Variants in CDH17 observed in about 807,000 individuals in gnomAD.
CDH17 encodes the protein cadherin 17, also known as cadherin-17.
Under a neutral mutation model 86.3 loss-of-function variants are expected in CDH17, and 67 were observed. The observed-to-expected ratio is 0.78, with a 90% CI of 0.64 to 0.95. The LOEUF (loss-of-function observed/expected upper bound fraction) is 0.95, where lower values mean the gene tolerates loss of function less well. Ranked by LOEUF, CDH17 falls within the 40% of genes least tolerant of loss-of-function variation. The pLI is 0.00. For synonymous variants in CDH17, 367 were observed against 366.4 expected (o/e 1.00, Z -0.02); for missense variants, 993 against 1,017.6 (o/e 0.98, Z 0.33).
At chr8:94,211,415 G>A (rs191486874), upstream of CDH17, among the ~76,000 whole-genome samples, 261 of 152,224 alleles carry the variant, frequency 1.7e-3, no homozygotes, top group Non-Finnish European at 2.8e-3. Context: ...AGTTTCAAGT[G>A]ATTCTCCTGC....
chr8:94,131,265 TG>T (rs1439564798), intron 15 of CDH17, among the ~76,000 whole-genome samples: 1 of 152,178 alleles, frequency 6.6e-6, no homozygotes, highest in South Asian at 2.1e-4. Flanking sequence ...TCTATAAAGT[TG>T]CCCCAAACAC....
At chr8:94,180,082 T>C (rs2130650306) in intron 3 of CDH17, among the ~76,000 whole-genome samples, 1 of 152,210 alleles carries the variant, frequency 6.6e-6, no homozygotes, top group East Asian at 1.9e-4. Flanking sequence ...TCATCAGATA[T>C]AGAATATTGA....
intron 15 of CDH17, 28 bp from the exon 16 acceptor site, chr8:94,131,020 A>G (rs1382854650): frequency 1.7e-6 from 2 of 1,150,550 alleles, no homozygotes; most frequent in African/African-American, 3.0e-5. Flanking sequence ...AAAAATGAAA[A>G]TACAACTTCA....
intron 10 of CDH17, 125 bp from the exon 11 acceptor site, chr8:94,162,287 C>A (rs1813068891): frequency 7.5e-6 from 5 of 664,472 alleles, no homozygotes; most frequent in Non-Finnish European, 1.4e-5. Context: ...AATTGACATG[C>A]AATTTGTGCA....
chr8:94,130,666 G>A lies in CDH17; in HGVS notation c.2358C>T (p.Gly786=). 2.5e-6 allele frequency: 4 copies of A among 1,613,746 alleles called. No individual in the cohort carries two copies. Among genetic ancestry groups the A allele is most frequent in the Non-Finnish European group, 3.4e-6 (4 of 1,179,786 alleles). ...TGGTCAGCAGTATACCAACTGCCAT[G>A]CCCACAGTGGGTATCCCAGTCTGGT... ...AGHQTGIPTV[G]MAVGILLTTL... Residue 786 remains glycine, a synonymous_variant, in exon 17 of 18, where the codon GGC becomes GGT. Transcript: ENST00000027335.
At chr8:94,213,969 A>T (rs1447698697) in intron 1 of CDH17, among the ~76,000 whole-genome samples, 6 of 151,840 alleles carry the variant, frequency 4.0e-5, no homozygotes, top group Admixed American at 3.9e-4. Flanking sequence ...GTGGAGGTCA[A>T]CTCTGCTCCC....
intron 14 of CDH17, 152 bp from the exon 15 acceptor site, chr8:94,146,319 T>C (rs1396281618): frequency 3.4e-6 from 2 of 587,532 alleles, no homozygotes; most frequent in Non-Finnish European, 5.3e-6. Flanking sequence ...GTTTCATTAC[T>C]GGTGAAAAAG....
At position 94,177,616 on chromosome 8, in the gene CDH17, T is replaced by C. The variant is rs1364385433; in HGVS notation, c.256A>G (p.Arg86Gly). 1.9e-6 allele frequency: 3 copies of C among 1,613,674 alleles called. No homozygotes were observed. Among genetic ancestry groups the C allele is most frequent in the Non-Finnish European group, 2.5e-6 (3 of 1,179,786 alleles). ...GLLYYNRALDRETRSTHNLQV... is the reference protein window; with the variant it reads ...GLLYYNRALDGETRSTHNLQV... ...AGATTGTGAGTAGATCTTGTTTCCC[T>C]GTCCAAGGCTCTGTTGTAATACAGA... The change falls in exon 4 of 18, where the codon AGG becomes GGG. Residue 86 changes from arginine (R) to glycine (G), a missense_variant. Coordinates refer to ENST00000027335, the MANE Select transcript of CDH17 (RefSeq NM_004063.4).
In CDH17 at chr8:94,139,564, A is replaced by G. The variant is rs1217270527; in HGVS notation, c.2167+6364T>C. Among the ~76,000 whole-genome samples, 13 of 152,200 alleles carry G rather than the reference A, an allele frequency of 8.5e-5. 1 individual carries two copies. The highest frequency in any genetic ancestry group is 8.5e-4 in the Admixed American group (13 of 15,282). Reference sequence around the variant, plus strand: ...AGTAATAAGAGAATATCTTAAAAGCACCCAGAGAAAAAAGAATACAAACAT... The same window carrying G: ...AGTAATAAGAGAATATCTTAAAAGCGCCCAGAGAAAAAAGAATACAAACAT... On this transcript the variant is annotated intron_variant, in intron 15 of 17. Coordinates refer to ENST00000027335, the MANE Select transcript of CDH17 (RefSeq NM_004063.4).
chr8:94,145,788 G>T lies in CDH17; in HGVS notation c.2167+140C>A, dbSNP rs939785713. 7.5e-6 allele frequency: 7 copies of T among 936,426 alleles called. No individual in the cohort carries two copies. In the African/African-American group the frequency reaches 1.2e-4, roughly 15 times the overall value. 58.0% of individuals were successfully genotyped at this position (936,426 alleles called of 1,614,324 possible). A position where few individuals can be genotyped will look rare whatever the true frequency, so the allele number is the denominator to read the frequency against. On this transcript the variant is annotated intron_variant, in intron 15 of 17. Transcript: ENST00000027335. ...TTTTTCCCCTCTGGAGTCCTTCCCT[G>T]TACAAGCTTCCAAAGCATGAACTTC...
In CDH17 at chr8:94,177,650, C is replaced by T. The variant is rs1428423000; in HGVS notation, c.222G>A (p.Arg74=). 2 of 1,613,600 alleles carry T rather than the reference C, an allele frequency of 1.2e-6. No individual in the cohort carries two copies. Among genetic ancestry groups the T allele is most frequent in the Admixed American group, 1.7e-5 (1 of 59,966 alleles). Residue 74 remains arginine, a synonymous_variant, in exon 4 of 18, where the codon CGG becomes CGA. Coordinates refer to ENST00000027335, the MANE Select transcript of CDH17 (RefSeq NM_004063.4). ...CTCTGTTGTAATACAGAAGTCCCTCCCGTTCTATCACAAATATGTTGTCTG... is the reference window on the plus strand; with the variant it reads ...CTCTGTTGTAATACAGAAGTCCCTCTCGTTCTATCACAAATATGTTGTCTG... ...GETDNIFVIE[R]EGLLYYNRAL...
chr8:94,184,521 A>G lies in CDH17; in HGVS notation c.150+4666T>C, dbSNP rs191283667. 2.0e-3 allele frequency among the ~76,000 whole-genome samples: 305 copies of G among 152,340 alleles called. 1 individual carries two copies. Among genetic ancestry groups the G allele is most frequent in the African/African-American group, 7.1e-3 (295 of 41,582 alleles). On this transcript the variant is annotated intron_variant, in intron 3 of 17. Transcript: ENST00000027335. ...TCCATTTACATGAAATGTCTAGAACAGGCAAATCTATAGAGATCAAGAGTA... is the reference window on the plus strand; with the variant it reads ...TCCATTTACATGAAATGTCTAGAACGGGCAAATCTATAGAGATCAAGAGTA...
chr8:94,206,639 ATTTTTTT>A (rs35064887), intron 1 of CDH17, among the ~76,000 whole-genome samples: 1 of 130,420 alleles, frequency 7.7e-6, no homozygotes, highest in Non-Finnish European at 1.6e-5. Context: ...CATCATCCAG[ATTTTTTT>A]TTTTTTTTTT....
chr8:94,160,197 G>A, intron 11 of CDH17, 35 bp from the exon 12 acceptor site: 1 of 1,526,976 alleles, frequency 6.5e-7, no homozygotes, highest in Non-Finnish European at 9.0e-7. Flanking sequence ...CAATGAGAAG[G>A]TCTGCTGTCA....
At position 94,128,156 on chromosome 8, in the gene CDH17, G is replaced by A; in HGVS notation, c.*84C>T. ...GAATATCTGTTTAAAAAATTATAAT[G>A]CACGTTAGATGAAAAGTAATAGGAT... is the stretch of plus-strand genomic sequence containing the variant. On this transcript the variant is annotated 3_prime_UTR_variant, in exon 18 of 18. Transcript: ENST00000027335. 1 of 831,044 alleles carries A rather than the reference G, an allele frequency of 1.2e-6. No individual in the cohort carries two copies. Among genetic ancestry groups the A allele is most frequent in the South Asian group, 1.5e-5 (1 of 68,762 alleles). 51.5% of individuals were successfully genotyped at this position (831,044 alleles called of 1,614,324 possible). A position where few individuals can be genotyped will look rare whatever the true frequency, so the allele number is the denominator to read the frequency against.
At chr8:94,130,855 T>C (rs1204159284) in intron 16 of CDH17, 21 bp downstream of exon 16, 1 of 1,537,216 alleles carries the variant, frequency 6.5e-7, no homozygotes, top group Admixed American at 1.7e-5. Context: ...TAGCCTGAGT[T>C]GCCTATAGCA....
intron 17 of CDH17, among the ~76,000 whole-genome samples, chr8:94,128,572 T>C (rs895872328): frequency 2.6e-5 from 4 of 152,220 alleles, no homozygotes; most frequent in Admixed American, 2.0e-4. Flanking sequence ...AAATCATAGC[T>C]GACTTGGTGG....
At chr8:94,186,002 T>C (rs1309517388) in intron 3 of CDH17, among the ~76,000 whole-genome samples, 1 of 152,186 alleles carries the variant, frequency 6.6e-6, no homozygotes, top group Non-Finnish European at 1.5e-5. Flanking sequence ...CTGTTGTTTT[T>C]CTTTTTTCCA....
At chr8:94,168,336 G>A (rs1279068438) in intron 9 of CDH17, among the ~76,000 whole-genome samples, 4 of 140,848 alleles carry the variant, frequency 2.8e-5, no homozygotes, top group South Asian at 2.2e-4. Flanking sequence ...ACAGGGTTTC[G>A]CCATGTTGGC....
Sources: allele counts gnomAD v4.1 joint callset (sites outside exome capture counted in the v4.1 genomes callset), GRCh38; gene constraint gnomAD v4.1.1; transcripts MANE v1.5; gene names NCBI Gene and HGNC (gene_info 2026-07-23, HGNC 2026-07-21).